Variants in CACNA2D4 observed in about 807,000 individuals in gnomAD.
CACNA2D4 encodes calcium voltage-gated channel auxiliary subunit alpha2delta 4, also known as voltage-dependent calcium channel subunit alpha-2/delta-4.
CACNA2D4 carries 157 observed loss-of-function variants against 163.8 expected under a neutral mutation model. The observed-to-expected ratio is 0.96, with a 90% CI of 0.84 to 1.09. The LOEUF (loss-of-function observed/expected upper bound fraction) is 1.09, where lower values mean the gene tolerates loss of function less well. CACNA2D4 is among the 50% of genes least tolerant of loss of function. The probability of loss-of-function intolerance (pLI) is 0.00; values close to 1 mark genes in which losing one functional copy is unlikely to be tolerated. For synonymous variants in CACNA2D4, 598 were observed against 586.9 expected (o/e 1.02, Z -0.27); for missense variants, 1,410 against 1,479.9 (o/e 0.95, Z 0.78).
chr12:1,828,113 C>G lies in CACNA2D4; in HGVS notation c.2551+12626G>C. 1 of 1,501,052 alleles carries G rather than the reference C, an allele frequency of 6.7e-7. No homozygotes were observed. The highest frequency in any genetic ancestry group is 8.9e-7 in the Non-Finnish European group (1 of 1,121,396). The allele number at this position is 1,501,052 out of a possible 1,614,324, so 93.0% of individuals were successfully genotyped here. A position where few individuals can be genotyped will look rare whatever the true frequency, so the allele number is the denominator to read the frequency against. On this transcript the variant is annotated intron_variant, in intron 26 of 37. Coordinates refer to ENST00000382722, the MANE Select transcript of CACNA2D4 (RefSeq NM_172364.5). The surrounding 1 kb of genome is among the most constrained non-coding windows in gnomAD (Gnocchi z 4.2). ...GCGCACCCAGGGGCTCCTCTCTCCC[C>G]AGAGCGACAGGGCCCGGAGAGCCGT... is the stretch of plus-strand genomic sequence containing the variant.
rs1863043474 is a variant in CACNA2D4, at chr12:1,793,962, CCTT to C, written c.3310-206_3310-204del. ...CCTCAGCCTGGGAGGGGGGCACCGG[CCTT>C]CTCTGCTTGCCCTCAGGCTTGGAGT... On this transcript the variant is annotated intron_variant, in intron 37 of 37. Coordinates refer to ENST00000382722, the MANE Select transcript of CACNA2D4 (RefSeq NM_172364.5). Among the ~76,000 whole-genome samples, 8 of 152,298 alleles carry C rather than the reference CCTT, an allele frequency of 5.3e-5. No homozygotes were observed. In the South Asian group the frequency reaches 1.7e-3, roughly 32 times the overall value.
intron 18 of CACNA2D4, among the ~76,000 whole-genome samples, chr12:1,872,309 C>T (rs1865803722): frequency 6.6e-6 from 1 of 152,130 alleles, no homozygotes; most frequent in South Asian, 2.1e-4. Context: ...CAAGTTTGGC[C>T]CCATAGGTTT....
intron 26 of CACNA2D4, among the ~76,000 whole-genome samples, chr12:1,827,239 C>A (rs1411349247): frequency 1.3e-5 from 2 of 152,078 alleles, no homozygotes; most frequent in Non-Finnish European, 2.9e-5. Context: ...GAAGTGGAGA[C>A]CCCAGCACAC....
chr12:1,831,917 G>A (rs1415609856), intron 26 of CACNA2D4, among the ~76,000 whole-genome samples: 3 of 152,168 alleles, frequency 2.0e-5, no homozygotes, highest in Non-Finnish European at 4.4e-5. Context: ...TGTGGTAGAA[G>A]GAGGGAGAAA....
intron 6 of CACNA2D4, among the ~76,000 whole-genome samples, chr12:1,891,804 G>C (rs927319482): frequency 6.6e-6 from 1 of 151,822 alleles, no homozygotes; most frequent in Non-Finnish European, 1.5e-5. Context: ...ATTTGTAAAC[G>C]TTAACAATAG....
chr12:1,812,418 G>T (rs930861965), intron 26 of CACNA2D4, among the ~76,000 whole-genome samples: 4 of 152,202 alleles, frequency 2.6e-5, no homozygotes, highest in Non-Finnish European at 5.9e-5. Context: ...CCAAGCAGGT[G>T]CTCACATATC....
chr12:1,824,595 G>A (rs1864241471), intron 26 of CACNA2D4, among the ~76,000 whole-genome samples: 1 of 152,228 alleles, frequency 6.6e-6, no homozygotes, highest in Admixed American at 6.5e-5. Context: ...CATGGGACTT[G>A]CAGACAGGAG....
intron 14 of CACNA2D4, among the ~76,000 whole-genome samples, 168 bp downstream of exon 14, chr12:1,879,636 A>G (rs1178187450): frequency 6.6e-6 from 1 of 152,190 alleles, no homozygotes; most frequent in African/African-American, 2.4e-5. Flanking sequence ...CCCACCTCCA[A>G]CCAGGAGAGT....
intron 29 of CACNA2D4, among the ~76,000 whole-genome samples, chr12:1,805,939 C>T (rs1218446955): frequency 1.3e-5 from 2 of 152,218 alleles, no homozygotes; most frequent in African/African-American, 4.8e-5. Context: ...AAACAGGAGC[C>T]GAGGCCCAGA....
In CACNA2D4 at chr12:1,856,208, G is replaced by C. The variant is rs375447801; in HGVS notation, c.2030C>G (p.Pro677Arg). The C allele has an allele frequency of 8.8e-5, 142 of 1,614,028 alleles. No homozygotes were observed. The highest frequency in any genetic ancestry group is 3.3e-4 in the Middle Eastern group (2 of 6,062). ...CCAGTCACCGGCCAGGGCCAGGTCT[G>C]GGTGAAGCAAGTCATGCAGGCCTGA... The part of the protein sequence containing the change: ...VEEGLHDLLH[P>R]DLALAGDWIY... Residue 677 changes from proline (P) to arginine (R), a missense_variant, in exon 21 of 38, where the codon CCA becomes CGA. By Grantham distance (103) the Pro-to-Arg change is moderately radical (BLOSUM62 -2). Coordinates refer to ENST00000382722, the MANE Select transcript of CACNA2D4 (RefSeq NM_172364.5).
chr12:1,796,794 A>G (rs920574563), intron 35 of CACNA2D4, among the ~76,000 whole-genome samples: 21 of 152,134 alleles, frequency 1.4e-4, no homozygotes, highest in Admixed American at 2.6e-4. Flanking sequence ...CCGCATTCCC[A>G]GCGTGGGGGT....
At chr12:1,887,535 T>C (rs1241484287) in intron 6 of CACNA2D4, among the ~76,000 whole-genome samples, 1 of 152,242 alleles carries the variant, frequency 6.6e-6, no homozygotes, top group Non-Finnish European at 1.5e-5. Context: ...TTTGGCTCTA[T>C]GACTGTAGGC....
chr12:1,876,155 C>T (rs1000549336), intron 16 of CACNA2D4, among the ~76,000 whole-genome samples: 2 of 152,176 alleles, frequency 1.3e-5, no homozygotes, highest in Non-Finnish European at 2.9e-5. Flanking sequence ...TAGTTTCAGC[C>T]CCTTTGTTTT....
At chr12:1,830,178 T>G (rs1351359777) in intron 26 of CACNA2D4, among the ~76,000 whole-genome samples, 1 of 152,200 alleles carries the variant, frequency 6.6e-6, no homozygotes, top group African/African-American at 2.4e-5. Context: ...GGGGTTAAAG[T>G]GGAATGTGTC....
At chr12:1,855,343 C>T (rs138122457) in intron 22 of CACNA2D4, among the ~76,000 whole-genome samples, 5 of 152,220 alleles carry the variant, frequency 3.3e-5, no homozygotes, top group East Asian at 3.9e-4. Flanking sequence ...TCTTCTTATG[C>T]GGGTGACAAT....
Position 1,834,453 on chromosome 12 carries a change from G to C in CACNA2D4, c.2551+6286C>G. The C allele has an allele frequency of 6.2e-7, 1 of 1,611,726 alleles. No homozygotes were observed. The highest frequency in any genetic ancestry group is 1.3e-5 in the African/African-American group (1 of 75,040). Reference sequence around the variant, plus strand: ...CCAGAGCCTGCTAAGCCCAAGCCCGGGGCTGAGCCGGAGCCGGAGCCCAGC... The same window carrying C: ...CCAGAGCCTGCTAAGCCCAAGCCCGCGGCTGAGCCGGAGCCGGAGCCCAGC... On this transcript the variant is annotated intron_variant, in intron 26 of 37. Transcript: ENST00000382722. The surrounding 1 kb of genome is among the most constrained non-coding windows in gnomAD (Gnocchi z 7.6).
Position 1,811,650 on chromosome 12 carries a change from C to A in CACNA2D4, c.2613+12G>T. ...AGTCCCCAGCCCCGACCTGGCCCGA[C>A]ATCACACCTACCTGCCGCGTTGCCG... is the stretch of plus-strand genomic sequence containing the variant. On this transcript the variant is annotated intron_variant, in intron 27 of 37. Transcript: ENST00000382722. 6.4e-7 allele frequency: 1 copy of A among 1,558,886 alleles called. No homozygotes were observed. The highest frequency in any genetic ancestry group is 8.7e-7 in the Non-Finnish European group (1 of 1,150,912).
In CACNA2D4 at chr12:1,878,592, C is replaced by T. The variant is rs1353847675; in HGVS notation, c.1645-203G>A. ...TCCAAACCGGACTGTTTATAGCAAC[C>T]GTCATCATACATATTATTACCTGAC... On this transcript the variant is annotated intron_variant, in intron 15 of 37. Coordinates refer to ENST00000382722, the MANE Select transcript of CACNA2D4 (RefSeq NM_172364.5). The surrounding 1 kb of genome is among the most constrained non-coding windows in gnomAD (Gnocchi z 4.6). Among the ~76,000 whole-genome samples, 7 of 151,870 alleles carry T rather than the reference C, an allele frequency of 4.6e-5. No homozygotes were observed. The highest frequency in any genetic ancestry group is 1.5e-4 in the African/African-American group (6 of 41,368).
At position 1,860,144 on chromosome 12, in the gene CACNA2D4, C is replaced by T. The variant is rs1240311632; in HGVS notation, c.1940+1G>A. 1.7e-5 allele frequency: 28 copies of T among 1,612,478 alleles called. No individual in the cohort carries two copies. Among genetic ancestry groups the T allele is most frequent in the Non-Finnish European group, 2.2e-5 (26 of 1,178,698 alleles). On this transcript the variant is annotated splice_donor_variant, in intron 19 of 37. Transcript: ENST00000382722. LOFTEE classifies it high-confidence loss of function. ...GTGCAAATAAAGCCTGTGTCCCTCA[C>T]CTGAAAGGGGTGTCGCTGATGTCCG... is the stretch of plus-strand genomic sequence containing the variant.
Sources: gnomAD v4.1 joint callset for allele counts (sites outside exome capture counted in the v4.1 genomes callset) on GRCh38, gnomAD v4.1.1 for gene constraint, Gnocchi (gnomAD v3.1) non-coding constraint, MANE v1.5 for transcripts, NCBI Gene and HGNC (gene_info 2026-07-23, HGNC 2026-07-21) for gene names.